Variants in THRB observed in about 807,000 individuals in gnomAD.
The protein encoded by THRB is thyroid hormone receptor beta.
Under a neutral mutation model 47.8 loss-of-function variants are expected in THRB, and 12 were observed. The ratio of observed to expected loss-of-function variants is 0.25; its 90% CI spans 0.16 to 0.41. The LOEUF is 0.41. THRB is among the 10% of genes least tolerant of loss of function. The probability of loss-of-function intolerance (pLI) is 1.00; values close to 1 mark genes in which losing one functional copy is unlikely to be tolerated. For synonymous variants in THRB, 218 were observed against 212.2 expected (o/e 1.03, Z -0.24); for missense variants, 348 against 589.2 (o/e 0.59, Z 4.24).
chr3:24,319,999 G>A (rs2058376347), intron 2 of THRB, among the ~76,000 whole-genome samples: 2 of 152,180 alleles, frequency 1.3e-5, no homozygotes, highest in South Asian at 4.1e-4. Context: ...GGGGATGAGT[G>A]GACATCCCAG....
chr3:24,430,901 G>C (rs924720588), intron 1 of THRB: 2 of 152,090 alleles, frequency 1.3e-5, no homozygotes, highest in Non-Finnish European at 2.9e-5. Context: ...TTGCCATAAA[G>C]GAGAAAGTAC....
chr3:24,249,831 C>T (rs375508959), intron 3 of THRB, among the ~76,000 whole-genome samples: 2 of 152,290 alleles, frequency 1.3e-5, no homozygotes, highest in South Asian at 2.1e-4. Flanking sequence ...TCATATTTTG[C>T]TACTTCACTC....
At chr3:24,431,261 TACACA>T (rs1306065524) in intron 1 of THRB, among the ~76,000 whole-genome samples, 1,566 of 135,698 alleles carry the variant, frequency 0.012, 13 homozygotes, top group African/African-American at 0.024. Context: ...TCTCTCTCTC[TACACA>T]CACACACACA....
intron 4 of THRB, among the ~76,000 whole-genome samples, chr3:24,202,477 G>C (rs2044708158): frequency 6.6e-6 from 1 of 152,080 alleles, no homozygotes; most frequent in African/African-American, 2.4e-5. Flanking sequence ...TGCTGATGAT[G>C]ATTTTTAAAA....
intron 3 of THRB, among the ~76,000 whole-genome samples, chr3:24,232,634 C>T (rs142508865): frequency 2.5e-3 from 383 of 152,220 alleles, no homozygotes; most frequent in African/African-American, 8.5e-3. Context: ...CTTTACATTA[C>T]GCAGGTTTTA....
Position 24,280,625 on chromosome 3 carries a change from G to A in THRB, c.-43+16601C>T, listed in dbSNP as rs191127604. On this transcript the variant is annotated intron_variant, in intron 3 of 10. Coordinates refer to ENST00000646209, the MANE Select transcript of THRB (RefSeq NM_001354712.2). ...AAGCTGAGAGAAGAAGGCTTCAGACGATCAAATTACTCCAAGCTATGGGAG... is the reference window on the plus strand; with the variant it reads ...AAGCTGAGAGAAGAAGGCTTCAGACAATCAAATTACTCCAAGCTATGGGAG... Among the ~76,000 whole-genome samples, 135 of 152,202 alleles carry A rather than the reference G, an allele frequency of 8.9e-4. 2 individuals carry two copies. In the East Asian group the frequency reaches 0.023, roughly 26 times the overall value.
chr3:24,366,279 C>A (rs1020235105), intron 1 of THRB, among the ~76,000 whole-genome samples: 3 of 152,106 alleles, frequency 2.0e-5, no homozygotes, highest in Non-Finnish European at 4.4e-5. Context: ...CTAATTGTAG[C>A]CATCTTGCCT....
intron 1 of THRB, among the ~76,000 whole-genome samples, chr3:24,350,123 G>A (rs537973125): frequency 2.0e-5 from 3 of 152,082 alleles, no homozygotes; most frequent in South Asian, 4.1e-4. Flanking sequence ...AAAAGTGCTC[G>A]ACCTCATTAT....
chr3:24,229,151 C>T (rs938858546), intron 3 of THRB, 150 bp from the exon 4 acceptor site: 8 of 588,404 alleles, frequency 1.4e-5, no homozygotes, highest in Admixed American at 6.2e-5. Context: ...CATAGGTGGG[C>T]TATGTGATAT....
intron 2 of THRB, among the ~76,000 whole-genome samples, chr3:24,330,317 TA>T (rs200628084): frequency 1.5e-4 from 22 of 145,828 alleles, no homozygotes; most frequent in Admixed American, 2.7e-4. Flanking sequence ...CCGTCTCAAA[TA>T]AAAAAAAAAA....
chr3:24,153,632 G>C (rs2037354413), intron 5 of THRB, among the ~76,000 whole-genome samples: 1 of 152,148 alleles, frequency 6.6e-6, no homozygotes, highest in South Asian at 2.1e-4. Flanking sequence ...TGCTCCTTCA[G>C]CTTCCTGTGG....
chr3:24,215,870 T>C (rs965790541), intron 4 of THRB, among the ~76,000 whole-genome samples: 1 of 152,192 alleles, frequency 6.6e-6, no homozygotes, highest in African/African-American at 2.4e-5. Flanking sequence ...TCTGAAGTCC[T>C]AGAGGTAGAT....
intron 2 of THRB, among the ~76,000 whole-genome samples, chr3:24,324,418 G>A (rs937284585): frequency 2.6e-5 from 4 of 151,916 alleles, no homozygotes; most frequent in Non-Finnish European, 5.9e-5. Flanking sequence ...TTACTTCCAA[G>A]CACACTGACC....
intron 3 of THRB, among the ~76,000 whole-genome samples, chr3:24,286,960 A>C (rs762357630): frequency 3.9e-5 from 6 of 152,292 alleles, no homozygotes; most frequent in South Asian, 2.1e-4. Context: ...TAAAGTAAGA[A>C]GTTGAAGATC....
intron 4 of THRB, among the ~76,000 whole-genome samples, chr3:24,228,547 A>G: frequency 6.6e-6 from 1 of 150,740 alleles, no homozygotes; most frequent in East Asian, 1.9e-4. Context: ...TGGGAGAATC[A>G]CTTGAGCCCT....
intron 1 of THRB, among the ~76,000 whole-genome samples, chr3:24,368,778 T>A (rs1452460534): frequency 6.6e-6 from 1 of 152,152 alleles, no homozygotes; most frequent in Non-Finnish European, 1.5e-5. Context: ...AAACTTCCAA[T>A]GTCCAAGCAC....
intron 1 of THRB, among the ~76,000 whole-genome samples, chr3:24,399,097 A>C: frequency 6.6e-6 from 1 of 151,800 alleles, no homozygotes; most frequent in Middle Eastern, 3.2e-3. Flanking sequence ...GGGAGTGGGG[A>C]GGGATAGCAT....
At chr3:24,389,375 G>T (rs897068837) in intron 1 of THRB, among the ~76,000 whole-genome samples, 7 of 152,094 alleles carry the variant, frequency 4.6e-5, no homozygotes, top group African/African-American at 1.4e-4. Context: ...ACTATAAAAG[G>T]GCAAGTGCTC....
intron 3 of THRB, among the ~76,000 whole-genome samples, chr3:24,235,568 G>T (rs2048773840): frequency 6.6e-6 from 1 of 152,136 alleles, no homozygotes; most frequent in Non-Finnish European, 1.5e-5. Context: ...TAATACTTCA[G>T]CAGGTGCTTC....
Sources: allele counts gnomAD v4.1 joint callset (sites outside exome capture counted in the v4.1 genomes callset), GRCh38; gene constraint gnomAD v4.1.1; transcripts MANE v1.5; gene names NCBI Gene and HGNC (gene_info 2026-07-23, HGNC 2026-07-21).